GABRB3: variants seen among roughly 807,000 people sequenced by gnomAD.
GABRB3 encodes gamma-aminobutyric acid receptor subunit beta-3.
Under a neutral mutation model 52.1 loss-of-function variants are expected in GABRB3, and 14 were observed. The ratio of observed to expected loss-of-function variants is 0.27; its 90% CI spans 0.18 to 0.42. The LOEUF (loss-of-function observed/expected upper bound fraction) is 0.42. Among genes scored for constraint, GABRB3 ranks in the 10% least tolerant of loss-of-function variants. GABRB3 has a pLI of 1.00. For synonymous variants in GABRB3, 260 were observed against 232.3 expected (o/e 1.12, Z -1.08); for missense variants, 307 against 609.1 (o/e 0.50, Z 5.22).
intron 3 of GABRB3, among the ~76,000 whole-genome samples, chr15:26,758,211 C>T (rs1394414454): frequency 6.6e-6 from 1 of 152,104 alleles, no homozygotes; most frequent in Non-Finnish European, 1.5e-5. Context: ...CTGACGGTTC[C>T]TATTAATATG....
intron 3 of GABRB3, among the ~76,000 whole-genome samples, chr15:26,709,447 T>C (rs1889213895): frequency 6.6e-6 from 1 of 151,938 alleles, no homozygotes; most frequent in Non-Finnish European, 1.5e-5. Context: ...AAGATGCTGA[T>C]GGTGCCATGC....
intron 3 of GABRB3, among the ~76,000 whole-genome samples, chr15:26,747,032 A>G (rs1890366082): frequency 6.6e-6 from 1 of 152,122 alleles, no homozygotes; most frequent in African/African-American, 2.4e-5. Context: ...TCAGTTGGGC[A>G]TATTTGTGTG....
At chr15:26,655,514 A>G (rs533462450) in intron 3 of GABRB3, among the ~76,000 whole-genome samples, 2 of 152,262 alleles carry the variant, frequency 1.3e-5, no homozygotes, top group East Asian at 1.9e-4. Flanking sequence ...AGGCCAAGGC[A>G]GGCGGATCAC....
intron 3 of GABRB3, among the ~76,000 whole-genome samples, chr15:26,718,811 T>G (rs1188214745): frequency 1.3e-5 from 2 of 152,196 alleles, no homozygotes; most frequent in Non-Finnish European, 1.5e-5. Flanking sequence ...GCTGTACACC[T>G]CCGTGCTCCC....
chr15:26,625,627 G>T, intron 3 of GABRB3: 1 of 262,940 alleles, frequency 3.8e-6, no homozygotes, highest in Non-Finnish European at 5.9e-6. Flanking sequence ...AACATGAAAT[G>T]GAAATTAAGC....
At chr15:26,735,534 T>G (rs1048162059) in intron 3 of GABRB3, among the ~76,000 whole-genome samples, 3 of 152,136 alleles carry the variant, frequency 2.0e-5, no homozygotes, top group South Asian at 4.1e-4. Flanking sequence ...CATCCACAGA[T>G]GAGTGGATAA....
chr15:26,583,181 GTCTC>G (rs778140900), intron 5 of GABRB3, 147 bp downstream of exon 5: 8 of 691,130 alleles, frequency 1.2e-5, no homozygotes, highest in African/African-American at 3.6e-5. Flanking sequence ...TTTATACTGA[GTCTC>G]TCTCTCTCTC....
At chr15:26,570,660 T>A (rs1890360625) in intron 6 of GABRB3, among the ~76,000 whole-genome samples, 1 of 152,222 alleles carries the variant, frequency 6.6e-6, no homozygotes, top group African/African-American at 2.4e-5. Flanking sequence ...AAAATATTCA[T>A]CTCTATTTCC....
rs1489468109 is a variant in GABRB3 at position 26,547,759 on chromosome 15, T to TC, written c.*33_*34insG. 11 of 1,559,204 alleles carry TC rather than the reference T, an allele frequency of 7.1e-6. No homozygotes were observed. The highest frequency in any genetic ancestry group is 9.7e-6 in the Non-Finnish European group (11 of 1,130,692). ...GGCAGAGTAATATTTCACTCAGTGT[T>TC]AAATGAAGTCTTTGAAAAATCAAGT... is the stretch of plus-strand genomic sequence containing the variant. On this transcript the variant is annotated 3_prime_UTR_variant, in exon 9 of 9. Transcript: ENST00000311550.
chr15:26,641,056 TGCCCTG>T (rs1893186687), intron 3 of GABRB3, among the ~76,000 whole-genome samples: 1 of 152,198 alleles, frequency 6.6e-6, no homozygotes, highest in African/African-American at 2.4e-5. Flanking sequence ...TCTCCTGCTA[TGCCCTG>T]GCTCAAAATC....
intron 4 of GABRB3, among the ~76,000 whole-genome samples, chr15:26,611,597 T>C (rs1035982337): frequency 6.6e-6 from 1 of 152,222 alleles, no homozygotes; most frequent in Non-Finnish European, 1.5e-5. Context: ...GTAAAATGAC[T>C]GGTTACTTAA....
intron 4 of GABRB3, chr15:26,614,013 T>A (rs993598887): frequency 1.3e-5 from 2 of 152,276 alleles, no homozygotes; most frequent in Non-Finnish European, 2.9e-5. Flanking sequence ...GGAAAGTGTG[T>A]GTACTGGAAG....
intron 3 of GABRB3, among the ~76,000 whole-genome samples, chr15:26,763,607 TACACAC>T (rs150301275): frequency 1.8e-4 from 26 of 145,944 alleles, no homozygotes; most frequent in South Asian, 6.7e-4. Flanking sequence ...TCTGCATAGA[TACACAC>T]ACACACACAC....
At chr15:26,727,040 T>A (rs1889792033) in intron 3 of GABRB3, among the ~76,000 whole-genome samples, 1 of 152,144 alleles carries the variant, frequency 6.6e-6, no homozygotes, top group South Asian at 2.1e-4. Context: ...GCACCTGTAA[T>A]CCCAGCTACT....
chr15:26,562,564 C>T (rs1432437129), intron 7 of GABRB3, among the ~76,000 whole-genome samples: 6 of 152,220 alleles, frequency 3.9e-5, no homozygotes, highest in Non-Finnish European at 5.9e-5. Context: ...CCAGGCCATT[C>T]TGCACATGGT....
chr15:26,586,044 G>A (rs985329430), intron 4 of GABRB3, among the ~76,000 whole-genome samples: 6 of 152,080 alleles, frequency 3.9e-5, no homozygotes, highest in African/African-American at 1.4e-4. Flanking sequence ...TGTCGCCCAG[G>A]CTTGAGTGCA....
intron 3 of GABRB3, among the ~76,000 whole-genome samples, chr15:26,715,470 A>G (rs1889438349): frequency 1.3e-5 from 2 of 152,124 alleles, no homozygotes; most frequent in African/African-American, 4.8e-5. Context: ...AACCCACACG[A>G]TGTAATAAGA....
chr15:26,600,818 A>G (rs1891558691), intron 4 of GABRB3, among the ~76,000 whole-genome samples: 1 of 152,250 alleles, frequency 6.6e-6, no homozygotes, highest in Non-Finnish European at 1.5e-5. Flanking sequence ...GTAAAACAGT[A>G]TCAAATTCAG....
chr15:26,636,600 T>A (rs1023305940), intron 3 of GABRB3, among the ~76,000 whole-genome samples: 2 of 150,954 alleles, frequency 1.3e-5, no homozygotes, highest in Non-Finnish European at 3.0e-5. Flanking sequence ...ATCCTGATCA[T>A]TCCATCTATA....
Sources: allele counts gnomAD v4.1 joint callset (sites outside exome capture counted in the v4.1 genomes callset), GRCh38; gene constraint gnomAD v4.1.1; transcripts MANE v1.5; gene names NCBI Gene and HGNC (gene_info 2026-07-23, HGNC 2026-07-21).